FRMD4A: variants seen among roughly 807,000 people sequenced by gnomAD.
FRMD4A encodes the protein FERM domain-containing protein 4A.
Under a neutral mutation model 129.1 loss-of-function variants are expected in FRMD4A, and 29 were observed. The observed-to-expected ratio is 0.22, with a 90% CI of 0.17 to 0.31. The LOEUF is 0.31. Among genes scored for constraint, FRMD4A ranks in the 10% least tolerant of loss-of-function variants. The pLI, the probability that FRMD4A is intolerant of heterozygous loss-of-function variation, is 1.00. For synonymous variants in FRMD4A, 634 were observed against 571.6 expected (o/e 1.11, Z -1.56); for missense variants, 1,272 against 1,375.8 (o/e 0.92, Z 1.19).
rs56706198 is a variant in FRMD4A, at chr10:13,669,057, GTTTTTT to G, written c.1374+1343_1374+1348del. Among the ~76,000 whole-genome samples the G allele has an allele frequency of 3.0e-3, 293 of 97,444 alleles. 1 individual carries two copies. Among genetic ancestry groups the G allele is most frequent in the Middle Eastern group, 0.015 (2 of 134 alleles). The allele number at this position is 97,444 out of a possible 152,430, so 63.9% of individuals were successfully genotyped here. ...CCAGGAACTGCCTAACTGAGCTTTA[GTTTTTT>G]TTTTTTTTTTTTTTTTTTTTGAGAC... On this transcript the variant is annotated intron_variant, in intron 17 of 24. Transcript: ENST00000357447.
chr10:13,647,729 A>C (rs1272028306), intron 24 of FRMD4A: 1 of 127,492 alleles, frequency 7.8e-6, no homozygotes, highest in Non-Finnish European at 1.6e-5. Context: ...AGAAAATAAA[A>C]GGCTTTTTTT....
chr10:13,810,438 T>C (rs2093425751), intron 4 of FRMD4A, among the ~76,000 whole-genome samples: 1 of 152,220 alleles, frequency 6.6e-6, no homozygotes, highest in Non-Finnish European at 1.5e-5. Flanking sequence ...CAAATTCACT[T>C]CCTGTTATTG....
intron 2 of FRMD4A, among the ~76,000 whole-genome samples, chr10:14,136,986 T>A (rs1463789118): frequency 6.6e-6 from 1 of 152,236 alleles, no homozygotes; most frequent in African/African-American, 2.4e-5. Flanking sequence ...CAGGTAACTT[T>A]CTGATGATTC....
chr10:14,244,442 G>A (rs372320503), intron 2 of FRMD4A, among the ~76,000 whole-genome samples: 3 of 152,188 alleles, frequency 2.0e-5, no homozygotes, highest in East Asian at 1.9e-4. Context: ...CAATCTATGC[G>A]GATTACATTG....
At chr10:13,853,844 A>AAAAAAAAAAAAAAAAAAAG (rs1554939982) in intron 3 of FRMD4A, among the ~76,000 whole-genome samples, 1 of 146,486 alleles carries the variant, frequency 6.8e-6, no homozygotes. Context: ...AAAAAAAAAA[A>AAAAAAAAAAAAAAAAAAAG]AAAAAAAAAC....
intron 2 of FRMD4A, among the ~76,000 whole-genome samples, chr10:14,146,688 A>T (rs1009365813): frequency 2.0e-5 from 3 of 152,192 alleles, no homozygotes; most frequent in Non-Finnish European, 4.4e-5. Flanking sequence ...ACTAAGTTCC[A>T]TGGAATCTAG....
intron 8 of FRMD4A, among the ~76,000 whole-genome samples, chr10:13,759,028 C>G (rs1488775069): frequency 6.6e-6 from 1 of 152,142 alleles, no homozygotes; most frequent in Non-Finnish European, 1.5e-5. Flanking sequence ...CTCAAGTGTA[C>G]TAGTTTCTCT....
In FRMD4A at chr10:14,089,731, C is replaced by G. The variant is rs189047596; in HGVS notation, c.46-230819G>C. Among the ~76,000 whole-genome samples, 393 of 152,166 alleles carry G rather than the reference C, an allele frequency of 2.6e-3. 2 individuals are homozygous for G. The highest frequency in any genetic ancestry group is 9.1e-3 in the African/African-American group (377 of 41,512). Reference sequence around the variant, plus strand: ...CTTGTGGGAAAATACCTCCCCGGCCCGTAGAGAGACGCCATCACCAACAGT... The same window carrying G: ...CTTGTGGGAAAATACCTCCCCGGCCGGTAGAGAGACGCCATCACCAACAGT... On this transcript the variant is annotated intron_variant, in intron 2 of 24. Coordinates refer to ENST00000357447, the MANE Select transcript of FRMD4A (RefSeq NM_018027.5).
intron 2 of FRMD4A, among the ~76,000 whole-genome samples, chr10:14,087,889 G>C (rs538287237): frequency 1.3e-5 from 2 of 152,186 alleles, no homozygotes; most frequent in Non-Finnish European, 2.9e-5. Context: ...AAAGGAGACT[G>C]AGAGGATTGC....
chr10:13,654,101 C>G (rs1300754230), intron 23 of FRMD4A: 9 of 517,948 alleles, frequency 1.7e-5, no homozygotes, highest in Non-Finnish European at 3.0e-5. Flanking sequence ...TGAGTATAAT[C>G]CAAACCGAAA....
At chr10:14,059,106 T>A (rs1204984391) in intron 2 of FRMD4A, among the ~76,000 whole-genome samples, 4 of 152,148 alleles carry the variant, frequency 2.6e-5, no homozygotes, top group Non-Finnish European at 4.4e-5. Context: ...CCAAATCATA[T>A]GAGAATTGAA....
At chr10:13,946,760 T>G (rs2095334829) in intron 2 of FRMD4A, among the ~76,000 whole-genome samples, 1 of 152,160 alleles carries the variant, frequency 6.6e-6, no homozygotes, top group Non-Finnish European at 1.5e-5. Flanking sequence ...GTAAGGTGTG[T>G]GTCAAATGGG....
rs1839907768 is a variant in FRMD4A at position 14,142,947 on chromosome 10, A to C, written c.45+187111T>G. ...AAATACAAATCAAAACAACAGTGAG[A>C]TGCCACCTCACCTCATTAGGATGGC... is the stretch of plus-strand genomic sequence containing the variant. On this transcript the variant is annotated intron_variant, in intron 2 of 24. Coordinates refer to ENST00000357447, the MANE Select transcript of FRMD4A (RefSeq NM_018027.5). Among the ~76,000 whole-genome samples the C allele has an allele frequency of 2.0e-5, 3 of 152,112 alleles. 1 individual carries two copies. The highest frequency in any genetic ancestry group is 4.4e-5 in the Non-Finnish European group (3 of 67,998).
intron 2 of FRMD4A, among the ~76,000 whole-genome samples, chr10:13,961,456 T>A (rs2095445127): frequency 6.6e-6 from 1 of 152,200 alleles, no homozygotes; most frequent in Non-Finnish European, 1.5e-5. Context: ...CCAAGCTGTA[T>A]AGGCAACATC....
chr10:13,732,531 G>A (rs1330295271), intron 12 of FRMD4A, among the ~76,000 whole-genome samples: 1 of 152,204 alleles, frequency 6.6e-6, no homozygotes, highest in Non-Finnish European at 1.5e-5. Flanking sequence ...TTGTGTTGGT[G>A]CAACGTGACA....
chr10:13,788,427 G>A (rs745489240), intron 5 of FRMD4A, among the ~76,000 whole-genome samples: 62 of 152,168 alleles, frequency 4.1e-4, no homozygotes, highest in South Asian at 1.4e-3. Context: ...ATTGTTTCCC[G>A]GCTCCCCAAT....
At chr10:13,975,227 A>ATG (rs1046724157) in intron 2 of FRMD4A, among the ~76,000 whole-genome samples, 2 of 142,556 alleles carry the variant, frequency 1.4e-5, no homozygotes, top group Admixed American at 7.2e-5. Flanking sequence ...GTGTGTGTGT[A>ATG]TGTGTGTGTG....
chr10:14,188,663 G>C (rs1842222961), intron 2 of FRMD4A, among the ~76,000 whole-genome samples: 1 of 152,210 alleles, frequency 6.6e-6, no homozygotes, highest in Non-Finnish European at 1.5e-5. Context: ...CTCAGACTTT[G>C]AGAGGCTGAG....
chr10:13,982,339 T>C (rs1488112028), intron 2 of FRMD4A, among the ~76,000 whole-genome samples: 4 of 151,750 alleles, frequency 2.6e-5, no homozygotes, highest in Admixed American at 2.0e-4. Flanking sequence ...AAAAATTAGC[T>C]GGGCACGGTG....
Sources: gnomAD v4.1 joint callset for allele counts (sites outside exome capture counted in the v4.1 genomes callset) on GRCh38, gnomAD v4.1.1 for gene constraint, MANE v1.5 for transcripts, NCBI Gene and HGNC (gene_info 2026-07-23, HGNC 2026-07-21) for gene names.